The following ADAMTSL3 variants were observed in gnomAD, a reference collection of about 807,000 sequenced individuals.
The protein encoded by ADAMTSL3 is ADAMTS-like protein 3.
In ADAMTSL3, 128 loss-of-function variants were observed where a neutral mutation model predicts 201.7. The observed-to-expected ratio is 0.63, with a 90% CI of 0.55 to 0.73. ADAMTSL3 has a LOEUF of 0.73. Ranked by LOEUF, ADAMTSL3 falls within the 30% of genes least tolerant of loss-of-function variation. The pLI, the probability that ADAMTSL3 is intolerant of heterozygous loss-of-function variation, is 0.00. For synonymous variants in ADAMTSL3, 738 were observed against 748.4 expected, an observed-to-expected ratio of 0.99 and a Z score of 0.23; for missense variants, 1,990 against 2,119.6, an observed-to-expected ratio of 0.94 and a Z score of 1.20.
At chr15:84,035,061 CTACTGTATCCT>C (rs1416503209) in intron 28 of ADAMTSL3, among the ~76,000 whole-genome samples, 1 of 152,066 alleles carries the variant, frequency 6.6e-6, no homozygotes, top group Non-Finnish European at 1.5e-5. Context: ...ATGATTTTTT[CTACTGTATCCT>C]TAGTGAGCAG....
chr15:83,980,351 G>A (rs1428430099), intron 20 of ADAMTSL3, among the ~76,000 whole-genome samples: 1 of 152,112 alleles, frequency 6.6e-6, no homozygotes, highest in Non-Finnish European at 1.5e-5. Flanking sequence ...TGTTGATTGA[G>A]CCCTTGCTGT....
chr15:83,909,315 A>C (rs756291334), intron 15 of ADAMTSL3, among the ~76,000 whole-genome samples: 50 of 152,078 alleles, frequency 3.3e-4, no homozygotes, highest in Non-Finnish European at 6.9e-4. Flanking sequence ...GTGAGGAGCC[A>C]TTATTCTGCC....
At chr15:83,800,885 A>G (rs567070727) in intron 4 of ADAMTSL3, among the ~76,000 whole-genome samples, 13 of 152,224 alleles carry the variant, frequency 8.5e-5, no homozygotes, top group East Asian at 1.9e-4. Flanking sequence ...CACTTTTCCT[A>G]TTATTTATTT....
intron 26 of ADAMTSL3, 66 bp from the exon 27 acceptor site, chr15:84,025,172 A>G (rs2068279084): frequency 1.4e-6 from 2 of 1,423,264 alleles, no homozygotes; most frequent in East Asian, 2.3e-5. Context: ...TTTTCCTTTG[A>G]TGAGACGCCC....
intron 3 of ADAMTSL3, among the ~76,000 whole-genome samples, chr15:83,738,946 AG>A (rs2062410287): frequency 7.2e-6 from 1 of 139,648 alleles, no homozygotes; most frequent in Non-Finnish European, 1.5e-5. Context: ...CCAGTCCACA[AG>A]AAAAAAAATA....
intron 17 of ADAMTSL3, among the ~76,000 whole-genome samples, chr15:83,938,640 T>G (rs2066501917): frequency 6.6e-6 from 1 of 152,242 alleles, no homozygotes; most frequent in African/African-American, 2.4e-5. Flanking sequence ...ACTTTTTTTT[T>G]GTTTGCCTAA....
intron 2 of ADAMTSL3, among the ~76,000 whole-genome samples, chr15:83,661,733 A>G (rs1198028418): frequency 6.6e-6 from 1 of 151,868 alleles, no homozygotes; most frequent in East Asian, 1.9e-4. Flanking sequence ...CGAGAAAAAA[A>G]CAAACAACCC....
chr15:83,849,555 A>G (rs547529470), intron 7 of ADAMTSL3, among the ~76,000 whole-genome samples: 6 of 152,344 alleles, frequency 3.9e-5, no homozygotes, highest in East Asian at 3.9e-4. Flanking sequence ...CAGGCAGTCT[A>G]TACTGAGCTT....
At chr15:83,656,581 G>A (rs1399409064) in intron 2 of ADAMTSL3, among the ~76,000 whole-genome samples, 2 of 152,178 alleles carry the variant, frequency 1.3e-5, no homozygotes, top group Non-Finnish European at 2.9e-5. Context: ...GTATTGAAAG[G>A]CAGATAAATG....
At chr15:83,995,513 T>G (rs931456351) in intron 23 of ADAMTSL3, among the ~76,000 whole-genome samples, 1 of 152,090 alleles carries the variant, frequency 6.6e-6, no homozygotes, top group East Asian at 1.9e-4. Context: ...TGTTCAACAC[T>G]GCGTTAGCAC....
intron 6 of ADAMTSL3, among the ~76,000 whole-genome samples, chr15:83,830,051 G>A (rs2064120830): frequency 6.6e-6 from 1 of 152,162 alleles, no homozygotes; most frequent in Non-Finnish European, 1.5e-5. Context: ...TGAATGTTTG[G>A]TTGGATGTGG....
chr15:83,808,879 G>A (rs2063646116), intron 5 of ADAMTSL3, among the ~76,000 whole-genome samples: 3 of 126,774 alleles, frequency 2.4e-5, no homozygotes, highest in South Asian at 2.8e-4. Context: ...GGCACAGAAA[G>A]ACAAATACCA....
intron 3 of ADAMTSL3, among the ~76,000 whole-genome samples, chr15:83,761,524 A>C (rs2062808515): frequency 1.3e-5 from 2 of 151,936 alleles, no homozygotes; most frequent in Admixed American, 1.3e-4. Flanking sequence ...TTTTACTTTA[A>C]TTTCCTGGAG....
In ADAMTSL3 at chr15:84,037,976, A is replaced by G. The variant is rs993269924; in HGVS notation, c.*170A>G. The G allele has an allele frequency of 2.5e-5, 27 of 1,073,974 alleles. No homozygotes were observed. In the East Asian group the frequency reaches 5.2e-4, roughly 21 times the overall value. The allele number at this position is 1,073,974 out of a possible 1,614,324, so 66.5% of individuals were successfully genotyped here. A position where few individuals can be genotyped will look rare whatever the true frequency, so the allele number is the denominator to read the frequency against. ...TTAAGGTGTAAAGTGAAATTTTCCA[A>G]TGGTAGTTTTATATTCCAATTTTTT... On this transcript the variant is annotated 3_prime_UTR_variant, in exon 30 of 30. Transcript: ENST00000286744.
At chr15:83,847,098 A>G (rs1460073147) in intron 7 of ADAMTSL3, among the ~76,000 whole-genome samples, 1 of 152,216 alleles carries the variant, frequency 6.6e-6, no homozygotes, top group Non-Finnish European at 1.5e-5. Flanking sequence ...GAAGATACTC[A>G]TTTGCAGATT....
At chr15:83,823,937 CTTCTTCTTCTTCTTCTTCTTCTTCTTCTT>C (rs1567169633) in intron 6 of ADAMTSL3, among the ~76,000 whole-genome samples, 2 of 121,346 alleles carry the variant, frequency 1.6e-5, no homozygotes, top group African/African-American at 6.1e-5. Flanking sequence ...TCTTCTTCTT[CTTCTTCTTCTTCTTCTTCTTCTTCTTCTT>C]CTTCTTCTCC....
intron 4 of ADAMTSL3, among the ~76,000 whole-genome samples, chr15:83,795,193 T>A (rs913546446): frequency 5.9e-5 from 9 of 151,960 alleles, no homozygotes; most frequent in African/African-American, 1.7e-4. Flanking sequence ...AATTTAATTT[T>A]AAAAAACTAG....
At position 83,943,560 on chromosome 15, in the gene ADAMTSL3, T is replaced by C. The variant is rs150224818; in HGVS notation, c.2490+478T>C. Among the ~76,000 whole-genome samples the C allele has an allele frequency of 4.6e-5, 7 of 152,352 alleles. No individual in the cohort carries two copies. The East Asian group carries it at 1.3e-3, about 29-fold the overall frequency. On this transcript the variant is annotated intron_variant, in intron 19 of 29. Coordinates refer to ENST00000286744, the MANE Select transcript of ADAMTSL3 (RefSeq NM_207517.3). ...TGAATTAGTGCAGTGAGTAGAATTC[T>C]AGTAGATCGTTTCAGTGCTGGCAGG...
At chr15:83,859,001 C>T (rs2064800175) in intron 8 of ADAMTSL3, among the ~76,000 whole-genome samples, 161 bp downstream of exon 8, 1 of 152,186 alleles carries the variant, frequency 6.6e-6, no homozygotes, top group Non-Finnish European at 1.5e-5. Flanking sequence ...CTTGGCACAG[C>T]AAAGCTAAAC....
Sources: gnomAD v4.1 joint callset for allele counts (sites outside exome capture counted in the v4.1 genomes callset) on GRCh38, gnomAD v4.1.1 for gene constraint, MANE v1.5 for transcripts, NCBI Gene and HGNC (gene_info 2026-07-23, HGNC 2026-07-21) for gene names.